PKD1L1: variants seen among roughly 807,000 people sequenced by gnomAD.
PKD1L1 encodes polycystin 1 like 1, transient receptor potential channel interacting.
A neutral mutation model predicts 323.4 loss-of-function variants in PKD1L1; 236 were observed. The observed-to-expected ratio is 0.73, with a 90% CI of 0.66 to 0.81. The LOEUF is 0.81. Ranked by LOEUF, PKD1L1 falls within the 40% of genes least tolerant of loss-of-function variation. PKD1L1 has a pLI of 0.00. For synonymous variants in PKD1L1, 1,344 were observed against 1,335.0 expected (o/e 1.01, Z -0.15); for missense variants, 3,320 against 3,508.0 (o/e 0.95, Z 1.35).
At chr7:47,929,172 C>T (rs1787711928) in intron 7 of PKD1L1, 32 bp downstream of exon 7, 2 of 1,589,594 alleles carry the variant, frequency 1.3e-6, no homozygotes, top group East Asian at 2.2e-5. Flanking sequence ...ACCTCCTTCC[C>T]AGGCTCCTGA....
chr7:47,915,879 A>G (rs183972468), intron 7 of PKD1L1, among the ~76,000 whole-genome samples: 138 of 152,250 alleles, frequency 9.1e-4, no homozygotes, highest in Non-Finnish European at 1.4e-3. Context: ...AGAAAAAATA[A>G]CTTGAAAGAA....
chr7:47,942,198 A>G (rs1160138952), intron 2 of PKD1L1, among the ~76,000 whole-genome samples: 2 of 151,960 alleles, frequency 1.3e-5, no homozygotes, highest in Non-Finnish European at 2.9e-5. Context: ...AGATGGGGAG[A>G]TATATTTGAG....
intron 45 of PKD1L1, among the ~76,000 whole-genome samples, chr7:47,824,837 C>A (rs1215902060): frequency 1.3e-5 from 2 of 152,182 alleles, no homozygotes; most frequent in East Asian, 3.9e-4. Flanking sequence ...GTGTTCCTGT[C>A]CCTCCAGCAA....
At chr7:47,892,108 G>C (rs1442943175) in intron 15 of PKD1L1, among the ~76,000 whole-genome samples, 1 of 152,198 alleles carries the variant, frequency 6.6e-6, no homozygotes, top group Non-Finnish European at 1.5e-5. Flanking sequence ...CTCCAGAGCA[G>C]TGACCATAGT....
intron 6 of PKD1L1, among the ~76,000 whole-genome samples, chr7:47,930,795 A>G (rs1297752077): frequency 6.6e-6 from 1 of 152,144 alleles, no homozygotes; most frequent in South Asian, 2.1e-4. Context: ...AGCTTGGGTG[A>G]CAGAGCGAGA....
chr7:47,909,351 A>G (rs1787271550), intron 8 of PKD1L1, among the ~76,000 whole-genome samples: 1 of 152,148 alleles, frequency 6.6e-6, no homozygotes, highest in Non-Finnish European at 1.5e-5. Context: ...CAACTGATGC[A>G]TCAGCCACAC....
chr7:47,873,566 G>C (rs1786330501), intron 24 of PKD1L1, among the ~76,000 whole-genome samples: 1 of 146,688 alleles, frequency 6.8e-6, no homozygotes, highest in South Asian at 2.2e-4. Context: ...AGAATCACTT[G>C]AACCCGGGAG....
rs1786174132 is a variant in PKD1L1 at position 47,866,540 on chromosome 7, G to A, written c.3971C>T (p.Thr1324Ile). The stretch of plus-strand genomic sequence containing the variant: ...ACGACTCAGGATTCTGGTGATCACA[G>A]TGATGTAGTTCCTGATTTCTGTGTA... The part of the protein sequence containing the change: ...GSYTEIRNYI[T>I]VITRILSRLS... Residue 1324 changes from threonine to isoleucine, a missense_variant, in exon 25 of 57, where the codon ACT becomes ATT. Thr to Ile is a moderately conservative substitution (Grantham distance 89). Coordinates refer to ENST00000289672, the MANE Select transcript of PKD1L1 (RefSeq NM_138295.5). 1 of 1,613,900 alleles carries A rather than the reference G, an allele frequency of 6.2e-7. No homozygotes were observed. Among genetic ancestry groups the A allele is most frequent in the East Asian group, 2.2e-5 (1 of 44,872 alleles).
Position 47,836,926 on chromosome 7 carries a change from CT to C in PKD1L1, c.5937del (p.Glu1980SerfsTer121), listed in dbSNP as rs764332109. ...CLTALVAAGG[Q>X]EQPHLDVSPT... ...GGAAAAGCGATGGCTCTCACCTGCT[CT>C]TGCCCTCCAGCAGCAACCAGGGCAG... On this transcript the variant is annotated frameshift_variant, in exon 37 of 57. Coordinates refer to ENST00000289672, the MANE Select transcript of PKD1L1 (RefSeq NM_138295.5). LOFTEE classifies it high-confidence loss of function. The C allele has an allele frequency of 6.2e-7, 1 of 1,613,638 alleles. No individual in the cohort carries two copies. Among genetic ancestry groups the C allele is most frequent in the Non-Finnish European group, 8.5e-7 (1 of 1,179,880 alleles).
In PKD1L1 at chr7:47,890,741, C is replaced by A. The variant is rs778870607; in HGVS notation, c.2476G>T (p.Ala826Ser). The change falls in exon 16 of 57, where the codon GCT (alanine) becomes TCT (serine). Residue 826 changes from alanine to serine, a missense_variant. Transcript: ENST00000289672. ...TLRYHWECAT[A>S]GSPAHPCFDS... is the part of the protein sequence containing the mutation. ...AAGCAGGGATGTGCTGGGGAGCCAG[C>A]GGTGGCGCATTCCCAGTGATACCTG... is the stretch of plus-strand genomic sequence containing the variant. 2 of 1,612,592 alleles carry A rather than the reference C, an allele frequency of 1.2e-6. No individual in the cohort carries two copies. Among genetic ancestry groups the A allele is most frequent in the East Asian group, 2.2e-5 (1 of 44,874 alleles).
At chr7:47,888,973 T>C (rs74800618) in intron 16 of PKD1L1, among the ~76,000 whole-genome samples, 8,032 of 152,182 alleles carry the variant, frequency 0.053, 544 homozygotes, top group African/African-American at 0.16. Flanking sequence ...CATCCTATAC[T>C]CTGCACCTGA....
At chr7:47,958,340 G>A in the PKD1L1 span, among the ~76,000 whole-genome samples, 4 of 152,148 alleles carry the variant, frequency 2.6e-5, no homozygotes, top group Non-Finnish European at 5.9e-5. Flanking sequence ...TTATTGAAAA[G>A]AAAGTACAGT....
At chr7:47,874,138 G>T in intron 23 of PKD1L1, 128 bp from the exon 24 acceptor site, 1 of 616,518 alleles carries the variant, frequency 1.6e-6, no homozygotes, top group Non-Finnish European at 2.8e-6. Context: ...GCCAGGCTCC[G>T]AGCCACAGGG....
chr7:47,862,159 C>T (rs1374451015), intron 26 of PKD1L1, among the ~76,000 whole-genome samples: 1 of 151,998 alleles, frequency 6.6e-6, no homozygotes, highest in African/African-American at 2.4e-5. Flanking sequence ...TGTGCCACTA[C>T]ACTCCAGCTT....
At chr7:47,956,385 C>T in the PKD1L1 span, among the ~76,000 whole-genome samples, 1 of 152,110 alleles carries the variant, frequency 6.6e-6, no homozygotes, top group Non-Finnish European at 1.5e-5. Flanking sequence ...GGTTAGCCTG[C>T]TAGGTGTAAA....
chr7:47,882,131 T>C lies in PKD1L1; in HGVS notation c.3266-46A>G. ...AATAGATGTTAAAGAAAAAAAGTCA[T>C]GATGATCTTAAAGCATTAGTGATTC... is the stretch of plus-strand genomic sequence containing the variant. On this transcript the variant is annotated intron_variant, in intron 19 of 56. Transcript: ENST00000289672. The C allele has an allele frequency of 1.3e-6, 2 of 1,588,464 alleles. 1 individual carries two copies. The highest frequency in any genetic ancestry group is 3.4e-4 in the Middle Eastern group (2 of 5,952).
intron 46 of PKD1L1, among the ~76,000 whole-genome samples, chr7:47,818,992 G>C (rs957065472): frequency 1.9e-4 from 29 of 152,232 alleles, no homozygotes; most frequent in African/African-American, 7.0e-4. Flanking sequence ...AACCAAACAT[G>C]AGTTGGGGGC....
At position 47,833,170 on chromosome 7, in the gene PKD1L1, G is replaced by A. The variant is rs774908042; in HGVS notation, c.6257C>T (p.Pro2086Leu). 1.2e-6 allele frequency: 2 copies of A among 1,612,826 alleles called. No homozygotes were observed. The highest frequency in any genetic ancestry group is 2.7e-5 in the African/African-American group (2 of 74,936). ...GTCAGCCCCATGAACCTGCAGCTTA[G>A]GGGCTGGACAAGCTGTGCCATTGTC... ...ASDNGTACPA[P>L]KLQVHGADHS... The change falls in exon 41 of 57, where the codon CCT (proline) becomes CTT (leucine). Residue 2086 changes from proline to leucine, a missense_variant. Pro to Leu is a moderately conservative substitution (Grantham distance 98, BLOSUM62 -3). Transcript: ENST00000289672.
At position 47,885,776 on chromosome 7, in the gene PKD1L1, G is replaced by C. The variant is rs761067430; in HGVS notation, c.3115C>G (p.Leu1039Val). 1.2e-6 allele frequency: 2 copies of C among 1,614,214 alleles called. No individual in the cohort carries two copies. The highest frequency in any genetic ancestry group is 1.7e-6 in the Non-Finnish European group (2 of 1,180,042). ...GEAPEEGSLD[L>V]EPGPQSKGSL... The stretch of plus-strand genomic sequence containing the variant: ...CCCTTGCTCTGTGGCCCTGGCTCTA[G>C]GTCTAGTGAACCTTCCTCTGGAGCC... Residue 1039 changes from leucine to valine, a missense_variant, in exon 18 of 57, where the codon CTA becomes GTA. Coordinates refer to ENST00000289672, the MANE Select transcript of PKD1L1 (RefSeq NM_138295.5).
Sources: gnomAD v4.1 joint callset for allele counts (sites outside exome capture counted in the v4.1 genomes callset) on GRCh38, gnomAD v4.1.1 for gene constraint, MANE v1.5 for transcripts, NCBI Gene and HGNC (gene_info 2026-07-23, HGNC 2026-07-21) for gene names.